Variants in IQSEC3 observed in about 807,000 individuals in gnomAD.
The protein encoded by IQSEC3 is IQ motif and Sec7 domain ArfGEF 3.
A neutral mutation model predicts 105.4 loss-of-function variants in IQSEC3; 50 were observed. That is an observed-to-expected ratio of 0.47 (90% CI 0.38 to 0.60). The LOEUF is 0.60. Ranked by LOEUF, IQSEC3 falls within the 20% of genes least tolerant of loss-of-function variation. The pLI, the probability that IQSEC3 is intolerant of heterozygous loss-of-function variation, is 0.00. For missense variants in IQSEC3, 1,415 were observed against 1,630.0 expected, an observed-to-expected ratio of 0.87 and a Z score of 2.27; for synonymous variants, 708 against 746.0, an observed-to-expected ratio of 0.95 and a Z score of 0.83.
intron 11 of IQSEC3, among the ~76,000 whole-genome samples, chr12:166,496 C>T (rs546942876): frequency 6.6e-6 from 1 of 152,166 alleles, no homozygotes; most frequent in African/African-American, 2.4e-5. Context: ...TTTCTGTGTC[C>T]AGGTGGTTTA....
chr12:138,706 G>C lies in IQSEC3; in HGVS notation c.1343G>C (p.Gly448Ala). 1 of 1,515,256 alleles carries C rather than the reference G, an allele frequency of 6.6e-7. No homozygotes were observed. Among genetic ancestry groups the C allele is most frequent in the Non-Finnish European group, 8.8e-7 (1 of 1,136,886 alleles). 93.9% of individuals were successfully genotyped at this position (1,515,256 alleles called of 1,614,324 possible). The change falls in exon 4 of 14, where the codon GGC becomes GCC. Residue 448 changes from glycine (G) to alanine (A), a missense_variant. Gly to Ala is a moderately conservative substitution (Grantham distance 60, BLOSUM62 0). Coordinates refer to ENST00000538872, the MANE Select transcript of IQSEC3 (RefSeq NM_001170738.2). This position sits in a 1 kb window ranked among gnomAD's most constrained non-coding sequence, Gnocchi z 7.1. ...CTGCAGGCGGCCGCGGGGCCCCCAG[G>C]CCTGGAGGCCGAGGGGCGGGCGCCG... ...QALQAAAGPP[G>A]LEAEGRAPES...
chr12:75,191 C>T (rs1863470086), intron 1 of IQSEC3, among the ~76,000 whole-genome samples: 2 of 152,264 alleles, frequency 1.3e-5, no homozygotes, highest in South Asian at 4.1e-4. Context: ...TTTATTTGAG[C>T]AATCTCCCAG....
intron 2 of IQSEC3, among the ~76,000 whole-genome samples, chr12:125,328 G>A (rs185498262): frequency 5.3e-5 from 8 of 152,272 alleles, no homozygotes; most frequent in East Asian, 3.9e-4. Context: ...CACACAGCTC[G>A]TAAGAGGCAG....
intron 1 of IQSEC3, among the ~76,000 whole-genome samples, chr12:68,175 A>T (rs1555066544): frequency 6.6e-6 from 1 of 150,746 alleles, no homozygotes; most frequent in East Asian, 1.9e-4. Context: ...CATCAAACCA[A>T]TGGAGGACTC....
intron 3 of IQSEC3, among the ~76,000 whole-genome samples, chr12:130,857 C>T (rs1865564681): frequency 6.6e-6 from 1 of 152,232 alleles, no homozygotes; most frequent in South Asian, 2.1e-4. Context: ...AGTCTCTCTG[C>T]TCCTCAGCCT....
chr12:138,378 C>T lies in IQSEC3; in HGVS notation c.1015C>T (p.Arg339Cys). 2 of 1,612,402 alleles carry T rather than the reference C, an allele frequency of 1.2e-6. No homozygotes were observed. The highest frequency in any genetic ancestry group is 1.7e-6 in the Non-Finnish European group (2 of 1,179,976). ...GCTCAGCAAGAACTTCGAGAAAATCCGCAACTCGCTTCTGGAGAGCCGCCT... is the reference window on the plus strand; with the variant it reads ...GCTCAGCAAGAACTTCGAGAAAATCTGCAACTCGCTTCTGGAGAGCCGCCT... ...YQLSKNFEKI[R>C]NSLLESRLPR... The change falls in exon 4 of 14, where the codon CGC becomes TGC. Residue 339 changes from arginine (R) to cysteine (C), a missense_variant. Physicochemically the swap from Arg to Cys is radical, Grantham distance 180. Around this residue, in one of 6 missense-constraint regions of IQSEC3, gnomAD observed 720 missense variants for 633.0 expected, o/e 1.14. Transcript: ENST00000538872. The surrounding 1 kb of genome is among the most constrained non-coding windows in gnomAD (Gnocchi z 7.1).
chr12:119,642 G>A (rs1555081452), intron 2 of IQSEC3, among the ~76,000 whole-genome samples: 1 of 152,202 alleles, frequency 6.6e-6, no homozygotes, highest in Non-Finnish European at 1.5e-5. Flanking sequence ...CCATGGAAGG[G>A]AGGGGAGGCA....
chr12:133,134 T>C (rs1043072398), intron 3 of IQSEC3, among the ~76,000 whole-genome samples: 1 of 152,112 alleles, frequency 6.6e-6, no homozygotes, highest in African/African-American at 2.4e-5. Context: ...GCTGAGAAGG[T>C]ATCCACCTGG....
rs1866876348 is a variant in IQSEC3, at chr12:161,167, G to A, written c.2444-759G>A. ...GGGAACACTCCTTTGAGAGATGCTT[G>A]CCAAAGTTGTTTTATTTTTAATTTT... On this transcript the variant is annotated intron_variant, in intron 7 of 13. Coordinates refer to ENST00000538872, the MANE Select transcript of IQSEC3 (RefSeq NM_001170738.2). Among the ~76,000 whole-genome samples the A allele has an allele frequency of 2.0e-5, 3 of 152,154 alleles. No individual in the cohort carries two copies. The South Asian group carries it at 6.2e-4, about 32-fold the overall frequency.
chr12:71,521 G>T (rs1396585901), intron 1 of IQSEC3, among the ~76,000 whole-genome samples: 3 of 152,286 alleles, frequency 2.0e-5, no homozygotes, highest in Non-Finnish European at 2.9e-5. Context: ...CAGCCAAAGA[G>T]CAGGTTTTCT....
chr12:95,196 A>G (rs1203699206), intron 1 of IQSEC3, among the ~76,000 whole-genome samples: 1 of 152,200 alleles, frequency 6.6e-6, no homozygotes, highest in African/African-American at 2.4e-5. Context: ...TGGCCGGGGA[A>G]CCACTGTAGG....
intron 2 of IQSEC3, chr12:107,024 G>A (rs184249720): frequency 1.3e-5 from 2 of 152,254 alleles, no homozygotes; most frequent in East Asian, 1.9e-4. Context: ...TAAGAAACGA[G>A]GTTTTTAGAG....
At chr12:107,668 C>G (rs1555078381) in intron 2 of IQSEC3, among the ~76,000 whole-genome samples, 3 of 152,062 alleles carry the variant, frequency 2.0e-5, no homozygotes, top group Admixed American at 6.5e-5. Context: ...CCTCGGCCTC[C>G]CAAAGTGCTG....
Position 165,861 on chromosome 12 carries a change from T to C in IQSEC3, c.2942T>C (p.Val981Ala), listed in dbSNP as rs1867148391. The C allele has an allele frequency of 6.2e-7, 1 of 1,613,980 alleles. No individual in the cohort carries two copies. The highest frequency in any genetic ancestry group is 2.2e-5 in the East Asian group (1 of 44,878). The change falls in exon 11 of 14, where the codon GTG becomes GCG. Residue 981 changes from valine to alanine, a missense_variant. This residue lies in a region of IQSEC3 where 419 missense variants were observed against 436.2 expected (regional missense o/e 0.96). Transcript: ENST00000538872. ...VEDLKESIAE[V>A]TELEQIRIEW... is the part of the protein sequence containing the mutation. Reference sequence around the variant, plus strand: ...GACCTGAAGGAGTCCATTGCTGAGGTGACGGAGCTGGAGCAGATCCGAATA... The same window carrying C: ...GACCTGAAGGAGTCCATTGCTGAGGCGACGGAGCTGGAGCAGATCCGAATA...
intron 3 of IQSEC3, among the ~76,000 whole-genome samples, chr12:132,243 A>G (rs1865626693): frequency 6.6e-6 from 1 of 152,140 alleles, no homozygotes; most frequent in African/African-American, 2.4e-5. Flanking sequence ...GAGAGAACAC[A>G]AATGAGTCCC....
intron 1 of IQSEC3, among the ~76,000 whole-genome samples, chr12:82,372 C>G (rs1247998305): frequency 6.6e-6 from 1 of 151,984 alleles, no homozygotes; most frequent in African/African-American, 2.4e-5. Flanking sequence ...TAAAAGATGC[C>G]AGAATGGGAG....
chr12:136,968 A>G (rs941403814), intron 3 of IQSEC3, among the ~76,000 whole-genome samples: 1 of 152,122 alleles, frequency 6.6e-6, no homozygotes. Flanking sequence ...AGCCGAGAGG[A>G]GGCACGCTGG....
At chr12:115,152 A>G (rs2136950768) in intron 2 of IQSEC3, among the ~76,000 whole-genome samples, 2 of 152,296 alleles carry the variant, frequency 1.3e-5, no homozygotes, top group Middle Eastern at 3.4e-3. Flanking sequence ...TAATTCTGCC[A>G]TTTCCATTTC....
intron 3 of IQSEC3, among the ~76,000 whole-genome samples, chr12:129,534 G>A (rs1363759596): frequency 6.6e-6 from 1 of 152,110 alleles, no homozygotes; most frequent in Non-Finnish European, 1.5e-5. Flanking sequence ...CCCCACCCCA[G>A]CAGTCCTGGG....
Sources: allele counts gnomAD v4.1 joint callset (sites outside exome capture counted in the v4.1 genomes callset), GRCh38; gene constraint gnomAD v4.1.1; regional missense constraint gnomAD v4.1.1; non-coding constraint Gnocchi (gnomAD v3.1); transcripts MANE v1.5; gene names NCBI Gene and HGNC (gene_info 2026-07-23, HGNC 2026-07-21).